Variants in MKX observed in about 807,000 individuals in gnomAD.
MKX encodes homeobox protein Mohawk.
In MKX, 13 loss-of-function variants were observed where a neutral mutation model predicts 36.0. The observed-to-expected ratio is 0.36, with a 90% CI of 0.24 to 0.57. The LOEUF (loss-of-function observed/expected upper bound fraction) is 0.57, where lower values mean the gene tolerates loss of function less well. MKX is among the 20% of genes least tolerant of loss of function. MKX has a pLI of 0.79. For missense variants in MKX, 458 were observed against 456.4 expected (o/e 1.00, Z -0.03); for synonymous variants, 176 against 178.3 (o/e 0.99, Z 0.10).
chr10:27,733,676 A>G (rs921571581), intron 5 of MKX, among the ~76,000 whole-genome samples: 7 of 152,326 alleles, frequency 4.6e-5, no homozygotes, highest in African/African-American at 1.7e-4. Flanking sequence ...TGTCTACACC[A>G]GATGTTGGTC....
intron 5 of MKX, among the ~76,000 whole-genome samples, chr10:27,703,183 T>G (rs1218992635): frequency 1.3e-5 from 2 of 152,150 alleles, no homozygotes; most frequent in African/African-American, 4.8e-5. Flanking sequence ...GCATTCTCTG[T>G]AGGAGGAAAA....
chr10:27,724,562 T>C (rs1353610596), intron 5 of MKX, among the ~76,000 whole-genome samples: 1 of 152,150 alleles, frequency 6.6e-6, no homozygotes, highest in Non-Finnish European at 1.5e-5. Flanking sequence ...TGCTTCAAAC[T>C]GAGACTAATC....
chr10:27,738,261 C>T (rs1254675572), intron 3 of MKX, among the ~76,000 whole-genome samples: 1 of 152,012 alleles, frequency 6.6e-6, no homozygotes, highest in Non-Finnish European at 1.5e-5. Flanking sequence ...TGTGTATTTG[C>T]AGTAGGTCCT....
chr10:27,698,250 A>G (rs2999980), intron 5 of MKX, among the ~76,000 whole-genome samples: 112,702 of 152,058 alleles, frequency 0.74, 42,466 homozygotes, highest in Admixed American at 0.82. Context: ...GTGTGCCAAG[A>G]TAAGGAAAGT....
chr10:27,706,379 C>T (rs918600280), intron 5 of MKX, among the ~76,000 whole-genome samples: 3 of 152,158 alleles, frequency 2.0e-5, no homozygotes, highest in Non-Finnish European at 4.4e-5. Context: ...CTGACTTTAA[C>T]TCTTGCTGGT....
At chr10:27,722,790 C>G (rs1297489616) in intron 5 of MKX, among the ~76,000 whole-genome samples, 1 of 152,112 alleles carries the variant, frequency 6.6e-6, no homozygotes, top group Non-Finnish European at 1.5e-5. Context: ...CCAGCCTCTA[C>G]CCAGACCTTT....
chr10:27,682,113 GT>G (rs1375657984), intron 5 of MKX, among the ~76,000 whole-genome samples: 4 of 152,056 alleles, frequency 2.6e-5, no homozygotes, highest in Non-Finnish European at 4.4e-5. Flanking sequence ...GCAGGCCTAG[GT>G]TAATGTGTGT....
intron 5 of MKX, among the ~76,000 whole-genome samples, chr10:27,702,989 C>G (rs1200014643): frequency 6.6e-6 from 1 of 152,144 alleles, no homozygotes; most frequent in Admixed American, 6.5e-5. Flanking sequence ...TTTTCTTAGG[C>G]TTCCGAAAAG....
chr10:27,684,636 A>C (rs1836310712), intron 5 of MKX, among the ~76,000 whole-genome samples: 2 of 152,214 alleles, frequency 1.3e-5, no homozygotes, highest in African/African-American at 4.8e-5. Context: ...GGCCTTTCCC[A>C]GTGTGGCAGT....
chr10:27,689,673 A>G (rs558989739), intron 5 of MKX, among the ~76,000 whole-genome samples: 1 of 152,270 alleles, frequency 6.6e-6, no homozygotes, highest in South Asian at 2.1e-4. Context: ...CAGTCCTCCC[A>G]TGACCCCTTT....
chr10:27,719,978 C>CAAAA (rs201683975), intron 5 of MKX, among the ~76,000 whole-genome samples: 1 of 84,570 alleles, frequency 1.2e-5, no homozygotes, highest in African/African-American at 3.5e-5. Context: ...AACAGAGTCT[C>CAAAA]AAAAAAAAAA....
At chr10:27,737,593 C>A (rs1471878748) in intron 3 of MKX, among the ~76,000 whole-genome samples, 4 of 152,038 alleles carry the variant, frequency 2.6e-5, no homozygotes, top group Admixed American at 2.6e-4. Flanking sequence ...CCCAAGTTCC[C>A]CTACAGCAAT....
At chr10:27,698,379 G>A (rs917683554) in intron 5 of MKX, among the ~76,000 whole-genome samples, 3 of 152,200 alleles carry the variant, frequency 2.0e-5, no homozygotes, top group Admixed American at 1.3e-4. Context: ...GGAGCCAGGC[G>A]GGATCATGGC....
intron 6 of MKX, 23 bp from the exon 7 acceptor site, chr10:27,675,438 GTAAACGATCAAACTCA>G: frequency 1.2e-6 from 2 of 1,614,092 alleles, no homozygotes; most frequent in Non-Finnish European, 1.7e-6. Flanking sequence ...AAAACAGAAA[GTAAACGATCAAACTCA>G]CTGCAGTTTG....
intron 5 of MKX, among the ~76,000 whole-genome samples, chr10:27,697,010 A>G (rs144907656): frequency 1.1e-3 from 171 of 152,312 alleles, no homozygotes; most frequent in African/African-American, 3.8e-3. Flanking sequence ...GTTACCTAAA[A>G]GACTTAAATT....
intron 5 of MKX, among the ~76,000 whole-genome samples, chr10:27,676,220 G>A (rs935958467): frequency 6.7e-6 from 1 of 150,310 alleles, no homozygotes; most frequent in Non-Finnish European, 1.5e-5. Context: ...GGTGCAGTAA[G>A]CAGTGATTGT....
At chr10:27,730,459 C>CT (rs11479538) in intron 5 of MKX, among the ~76,000 whole-genome samples, 487 of 134,592 alleles carry the variant, frequency 3.6e-3, no homozygotes, top group African/African-American at 4.9e-3. Context: ...TTTCAACTGG[C>CT]TTTTTTTTTT....
rs374447303 is a variant in MKX at position 27,742,623 on chromosome 10, C to G, written c.188+605G>C. Among the ~76,000 whole-genome samples, 8 of 151,976 alleles carry G rather than the reference C, an allele frequency of 5.3e-5. No homozygotes were observed. Among genetic ancestry groups the G allele is most frequent in the East Asian group, 3.9e-4 (2 of 5,106 alleles). ...GGCCCACCCGCAAGCTACCGCCCCC[C>G]CCAGCATACCCCTCACCCCGCTAAA... On this transcript the variant is annotated intron_variant, in intron 2 of 6. Coordinates refer to ENST00000419761, the MANE Select transcript of MKX (RefSeq NM_173576.3). This position sits in a 1 kb window ranked among gnomAD's most constrained non-coding sequence, Gnocchi z 4.2.
chr10:27,681,894 C>A (rs1836261358), intron 5 of MKX, among the ~76,000 whole-genome samples: 2 of 151,836 alleles, frequency 1.3e-5, no homozygotes, highest in Admixed American at 6.6e-5. Context: ...TGCACTCCAG[C>A]CTGGGTGACA....
Sources: allele counts gnomAD v4.1 joint callset (sites outside exome capture counted in the v4.1 genomes callset), GRCh38; gene constraint gnomAD v4.1.1; non-coding constraint Gnocchi (gnomAD v3.1); transcripts MANE v1.5; gene names NCBI Gene and HGNC (gene_info 2026-07-23, HGNC 2026-07-21).